The following RAPGEF2 variants were observed in gnomAD, a reference collection of about 807,000 sequenced individuals.
RAPGEF2 encodes Rap guanine nucleotide exchange factor 2, also known as PDZ domain containing guanine nucleotide exchange factor (GEF) 1.
RAPGEF2 carries 54 observed loss-of-function variants against 186.7 expected under a neutral mutation model. The ratio of observed to expected loss-of-function variants is 0.29; its 90% CI spans 0.23 to 0.36. RAPGEF2 has a LOEUF of 0.36. RAPGEF2 is among the 10% of genes least tolerant of loss of function. RAPGEF2 has a pLI of 1.00. For missense variants in RAPGEF2, 1,532 were observed against 2,045.0 expected, an observed-to-expected ratio of 0.75 and a Z score of 4.84; for synonymous variants, 712 against 705.9, an observed-to-expected ratio of 1.01 and a Z score of -0.14.
At chr4:159,151,259 C>G in intron 1 of RAPGEF2, among the ~76,000 whole-genome samples, 1 of 152,288 alleles carries the variant, frequency 6.6e-6, no homozygotes, top group East Asian at 1.9e-4. Context: ...CATGTGGGCT[C>G]ATAGTTGCTC....
rs765469309 is a variant in RAPGEF2, at chr4:159,349,058, T to C, written c.3713-1079T>C. 2.5e-4 allele frequency among the ~76,000 whole-genome samples: 38 copies of C among 152,186 alleles called. 1 individual carries two copies. The highest frequency in any genetic ancestry group is 8.8e-5 in the Non-Finnish European group (6 of 68,046). ...CATCCATCCAACATGGTTTGAAAGG[T>C]AGTACTTTTTAAATCTGTGTATGAT... On this transcript the variant is annotated intron_variant, in intron 25 of 29. Transcript: ENST00000691494.
intron 1 of RAPGEF2, among the ~76,000 whole-genome samples, chr4:159,152,202 G>T (rs964411354): frequency 6.6e-6 from 1 of 152,096 alleles, no homozygotes; most frequent in Non-Finnish European, 1.5e-5. Context: ...CACGCCTGTA[G>T]TCCTGCTGTT....
At chr4:159,357,930 A>C (rs1732271587) in intron 29 of RAPGEF2, among the ~76,000 whole-genome samples, 184 bp from the exon 30 acceptor site, 1 of 152,000 alleles carries the variant, frequency 6.6e-6, no homozygotes, top group South Asian at 2.2e-4. Flanking sequence ...TATGTATTGC[A>C]TACATTTTAA....
At chr4:159,279,139 G>A (rs1263426603) in intron 7 of RAPGEF2, among the ~76,000 whole-genome samples, 5 of 152,148 alleles carry the variant, frequency 3.3e-5, no homozygotes, top group African/African-American at 4.8e-5. Flanking sequence ...GGCAGTGTTC[G>A]AAACTCTTCA....
chr4:159,112,365 T>C (rs1738592376), intron 1 of RAPGEF2, among the ~76,000 whole-genome samples: 1 of 152,060 alleles, frequency 6.6e-6, no homozygotes, highest in Non-Finnish European at 1.5e-5. Context: ...TTGATATATG[T>C]ATTTCCTTTT....
chr4:159,241,557 A>G (rs1754008750), intron 6 of RAPGEF2, among the ~76,000 whole-genome samples, 189 bp downstream of exon 6: 1 of 148,746 alleles, frequency 6.7e-6, no homozygotes, highest in South Asian at 2.1e-4. Context: ...TATAATATGT[A>G]TATATTATTT....
chr4:159,131,741 C>T (rs1332387121), intron 1 of RAPGEF2, among the ~76,000 whole-genome samples: 1 of 151,364 alleles, frequency 6.6e-6, no homozygotes, highest in Non-Finnish European at 1.5e-5. Context: ...CTCAGCAGTC[C>T]TACAGCCCGG....
chr4:159,200,910 A>T (rs1307955248), intron 3 of RAPGEF2, among the ~76,000 whole-genome samples: 1 of 152,190 alleles, frequency 6.6e-6, no homozygotes, highest in Non-Finnish European at 1.5e-5. Flanking sequence ...ATATATTTAC[A>T]TATAACTCAG....
chr4:159,186,830 T>TG (rs1358409937), intron 2 of RAPGEF2, 118 bp downstream of exon 2: 1 of 556,856 alleles, frequency 1.8e-6, no homozygotes, highest in Non-Finnish European at 3.0e-6. Context: ...TACATATTCG[T>TG]GGGGTACATT....
intron 26 of RAPGEF2, among the ~76,000 whole-genome samples, chr4:159,351,881 G>T (rs1469997977): frequency 6.6e-6 from 1 of 152,182 alleles, no homozygotes; most frequent in Non-Finnish European, 1.5e-5. Flanking sequence ...AAGCCAGGAG[G>T]TGGAGTTTTC....
intron 1 of RAPGEF2, among the ~76,000 whole-genome samples, chr4:159,164,234 G>A (rs142584201): frequency 0.01 from 1,584 of 151,234 alleles, 35 homozygotes; most frequent in African/African-American, 0.036. Flanking sequence ...TCGATGTCCT[G>A]ACCTTGTGAT....
chr4:159,309,303 C>G (rs1011343986), intron 8 of RAPGEF2, among the ~76,000 whole-genome samples: 15 of 152,080 alleles, frequency 9.9e-5, no homozygotes, highest in Non-Finnish European at 2.1e-4. Context: ...CTTTTTATTT[C>G]CTTCCTAGAC....
intron 4 of RAPGEF2, among the ~76,000 whole-genome samples, chr4:159,238,402 G>T (rs1753554929): frequency 6.6e-6 from 1 of 152,116 alleles, no homozygotes; most frequent in Non-Finnish European, 1.5e-5. Flanking sequence ...GTTAAGTTAT[G>T]AAGAGAATTA....
intron 7 of RAPGEF2, among the ~76,000 whole-genome samples, chr4:159,295,420 A>G (rs1002678989): frequency 6.0e-5 from 9 of 150,602 alleles, no homozygotes; most frequent in Non-Finnish European, 1.0e-4. Flanking sequence ...GTGTGTATGT[A>G]TGTGTATTTG....
At chr4:159,155,769 C>CT (rs369222826) in intron 1 of RAPGEF2, among the ~76,000 whole-genome samples, 290 of 144,206 alleles carry the variant, frequency 2.0e-3, no homozygotes, top group East Asian at 3.8e-3. Flanking sequence ...ACAATGCACT[C>CT]TTTTTTTTTT....
intron 25 of RAPGEF2, among the ~76,000 whole-genome samples, chr4:159,349,057 G>A (rs1196417572): frequency 2.0e-5 from 3 of 152,146 alleles, no homozygotes; most frequent in Non-Finnish European, 4.4e-5. Flanking sequence ...GGTTTGAAAG[G>A]TAGTACTTTT....
At position 159,331,917 on chromosome 4, in the gene RAPGEF2, CATTTT is replaced by C; in HGVS notation, c.1780-8_1780-4del. ...TCAATTTTGATACATTTTATAATTTCATTTTTAGATATTAGAAGTAAATGGCCAAA... is the reference window on the plus strand; with the variant it reads ...TCAATTTTGATACATTTTATAATTTCTAGATATTAGAAGTAAATGGCCAAA... On this transcript the variant is annotated splice_region_variant and splice_polypyrimidine_tract_variant and intron_variant, in intron 15 of 29. Coordinates refer to ENST00000691494, the MANE Select transcript of RAPGEF2 (RefSeq NM_001394067.2). 6.3e-7 allele frequency: 1 copy of C among 1,589,286 alleles called. No homozygotes were observed. The highest frequency in any genetic ancestry group is 2.2e-5 in the East Asian group (1 of 44,730).
At chr4:159,157,601 A>T (rs981293378) in intron 1 of RAPGEF2, among the ~76,000 whole-genome samples, 8 of 152,210 alleles carry the variant, frequency 5.3e-5, no homozygotes, top group African/African-American at 9.6e-5. Flanking sequence ...TTACAGGACC[A>T]GAAGTTTTGT....
chr4:159,175,825 A>G (rs1746397934), intron 1 of RAPGEF2, among the ~76,000 whole-genome samples: 1 of 152,168 alleles, frequency 6.6e-6, no homozygotes, highest in Admixed American at 6.5e-5. Flanking sequence ...CCCTGTTCTC[A>G]GGGAGTGCTT....
Sources: allele counts gnomAD v4.1 joint callset (sites outside exome capture counted in the v4.1 genomes callset), GRCh38; gene constraint gnomAD v4.1.1; transcripts MANE v1.5; gene names NCBI Gene and HGNC (gene_info 2026-07-23, HGNC 2026-07-21).